The following CAST variants were observed in gnomAD, a reference collection of about 807,000 sequenced individuals.
CAST encodes calpastatin, also known as MIR583 host.
CAST carries 76 observed loss-of-function variants against 119.6 expected under a neutral mutation model. That is an observed-to-expected ratio of 0.64 (90% CI 0.53 to 0.77). The LOEUF (loss-of-function observed/expected upper bound fraction) is 0.77, where lower values mean the gene tolerates loss of function less well. Among genes scored for constraint, CAST ranks in the 30% least tolerant of loss-of-function variants. The probability of loss-of-function intolerance (pLI) is 0.00; values close to 1 mark genes in which losing one functional copy is unlikely to be tolerated. For missense variants in CAST, 953 were observed against 946.5 expected, an observed-to-expected ratio of 1.01 and a Z score of -0.09; for synonymous variants, 319 against 331.6, an observed-to-expected ratio of 0.96 and a Z score of 0.41.
At chr5:96,293,620 C>T in the CAST span, among the ~76,000 whole-genome samples, 6 of 151,706 alleles carry the variant, frequency 4.0e-5, no homozygotes, top group Non-Finnish European at 7.4e-5. Context: ...TTAGGGGTTC[C>T]TCTTTCTTCT....
the CAST span, among the ~76,000 whole-genome samples, chr5:95,969,315 G>A: frequency 6.6e-6 from 1 of 152,164 alleles, no homozygotes; most frequent in Admixed American, 6.5e-5. Context: ...TGTTAGGACT[G>A]TTCAGGTGAC....
chr5:96,611,667 C>T (rs1182973415), intron 1 of CAST, among the ~76,000 whole-genome samples: 1 of 152,052 alleles, frequency 6.6e-6, no homozygotes, highest in Non-Finnish European at 1.5e-5. Flanking sequence ...AGTAAGGAGA[C>T]AGCCTACAAA....
the CAST span, among the ~76,000 whole-genome samples, chr5:96,362,596 A>G: frequency 1.3e-5 from 2 of 152,040 alleles, no homozygotes; most frequent in African/African-American, 4.8e-5. Flanking sequence ...GATGATGAGC[A>G]TTTTTTCATG....
the CAST span, among the ~76,000 whole-genome samples, chr5:96,049,237 A>G: frequency 4.1e-4 from 62 of 152,314 alleles, no homozygotes; most frequent in African/African-American, 1.5e-3. Flanking sequence ...TTAAAAAAAG[A>G]AGAGCTGATT....
chr5:96,553,021 A>T (rs1223871567), intron 1 of CAST, among the ~76,000 whole-genome samples: 6 of 152,316 alleles, frequency 3.9e-5, no homozygotes, highest in Non-Finnish European at 1.5e-5. Context: ...AACTATTCTG[A>T]TCAATAGAAA....
chr5:96,300,163 A>G, the CAST span, among the ~76,000 whole-genome samples: 9 of 152,294 alleles, frequency 5.9e-5, no homozygotes, highest in African/African-American at 2.2e-4. Flanking sequence ...GGGGTCAACT[A>G]TAAAACATTA....
the CAST span, among the ~76,000 whole-genome samples, chr5:96,153,077 G>A: frequency 0.016 from 2,429 of 152,296 alleles, 51 homozygotes; most frequent in African/African-American, 0.055. Flanking sequence ...TCAATTAAAA[G>A]TACAAATAAA....
intron 1 of CAST, among the ~76,000 whole-genome samples, chr5:96,576,644 A>G (rs1358561634): frequency 2.0e-5 from 3 of 152,064 alleles, no homozygotes; most frequent in Admixed American, 2.0e-4. Flanking sequence ...CGCACCTGAC[A>G]TATATCTAAA....
At chr5:96,319,640 G>A in the CAST span, among the ~76,000 whole-genome samples, 2 of 152,274 alleles carry the variant, frequency 1.3e-5, no homozygotes, top group East Asian at 3.9e-4. Context: ...TGAGCTGAAA[G>A]TGCTTTAGAA....
chr5:96,282,796 A>G, the CAST span, among the ~76,000 whole-genome samples: 3 of 152,162 alleles, frequency 2.0e-5, no homozygotes, highest in Admixed American at 6.5e-5. Context: ...GTGCTTTCCA[A>G]CCTTGGCTGC....
chr5:96,572,983 G>A (rs1429123088), intron 1 of CAST, among the ~76,000 whole-genome samples: 1 of 152,232 alleles, frequency 6.6e-6, no homozygotes, highest in African/African-American at 2.4e-5. Context: ...AAGTAAACCA[G>A]GCAGGGAGTC....
the CAST span, among the ~76,000 whole-genome samples, chr5:95,997,273 A>G: frequency 1.1e-4 from 17 of 152,180 alleles, no homozygotes; most frequent in Admixed American, 2.6e-4. Flanking sequence ...GTCTTTATCT[A>G]GAACTTTAAT....
the CAST span, among the ~76,000 whole-genome samples, chr5:96,361,084 C>T: frequency 9.9e-5 from 15 of 152,252 alleles, no homozygotes; most frequent in African/African-American, 2.2e-4. Context: ...TGCTGAACTG[C>T]GGTGGGCTCT....
chr5:96,345,344 A>T, the CAST span, among the ~76,000 whole-genome samples: 1 of 152,236 alleles, frequency 6.6e-6, no homozygotes, highest in South Asian at 2.1e-4. Flanking sequence ...TGGATGATAC[A>T]CTATTTTACT....
intron 20 of CAST, among the ~76,000 whole-genome samples, chr5:96,752,562 A>ATT (rs869108023): frequency 3.7e-4 from 6 of 16,120 alleles, no homozygotes; most frequent in South Asian, 3.9e-3. Flanking sequence ...AACCTCAGGG[A>ATT]TTTTTTTTTT....
chr5:96,639,945 CTG>C (rs911445515), intron 1 of CAST, among the ~76,000 whole-genome samples: 10 of 152,104 alleles, frequency 6.6e-5, no homozygotes, highest in African/African-American at 2.4e-4. Context: ...TCAATCTTAC[CTG>C]TACTATTTGC....
At chr5:96,389,751 C>A in the CAST span, among the ~76,000 whole-genome samples, 4 of 152,210 alleles carry the variant, frequency 2.6e-5, no homozygotes, top group African/African-American at 9.6e-5. Flanking sequence ...GCCTGGGCAA[C>A]ATGACGAAAC....
the CAST span, chr5:96,425,979 T>G: frequency 2.9e-6 from 3 of 1,027,070 alleles, no homozygotes; most frequent in Non-Finnish European, 4.6e-6. Context: ...TATCTACCTC[T>G]GTATACTTCC....
chr5:95,982,877 GC>G, the CAST span, among the ~76,000 whole-genome samples: 1 of 152,122 alleles, frequency 6.6e-6, no homozygotes, highest in South Asian at 2.1e-4. Flanking sequence ...AAAGACAAAT[GC>G]CCAAGATATT....
Sources: gnomAD v4.1 joint callset for allele counts (sites outside exome capture counted in the v4.1 genomes callset) on GRCh38, gnomAD v4.1.1 for gene constraint, MANE v1.5 for transcripts, NCBI Gene and HGNC (gene_info 2026-07-23, HGNC 2026-07-21) for gene names.